UBE2O: variants seen among roughly 807,000 people sequenced by gnomAD.
UBE2O encodes ubiquitin conjugating enzyme E2 O, also known as (E3-independent) E2 ubiquitin-conjugating enzyme.
UBE2O carries 15 observed loss-of-function variants against 125.8 expected under a neutral mutation model. The observed-to-expected ratio is 0.12, with a 90% CI of 0.08 to 0.18. UBE2O has a LOEUF of 0.18. Ranked by LOEUF, UBE2O falls within the 10% of genes least tolerant of loss-of-function variation. UBE2O has a pLI of 1.00. For synonymous variants in UBE2O, 708 were observed against 703.2 expected, an observed-to-expected ratio of 1.01 and a Z score of -0.11; for missense variants, 1,280 against 1,723.6, an observed-to-expected ratio of 0.74 and a Z score of 4.56.
At position 76,395,894 on chromosome 17, in the gene UBE2O, T is replaced by G. The variant is rs1250731598; in HGVS notation, c.2810-33A>C. 7 of 1,612,984 alleles carry G rather than the reference T, an allele frequency of 4.3e-6. No homozygotes were observed. The highest frequency in any genetic ancestry group is 5.9e-6 in the Non-Finnish European group (7 of 1,179,898). On this transcript the variant is annotated intron_variant, in intron 14 of 17. Coordinates refer to ENST00000319380, the MANE Select transcript of UBE2O (RefSeq NM_022066.4). This position sits in a 1 kb window ranked among gnomAD's most constrained non-coding sequence, Gnocchi z 5.0. ...GGGGAAGAGAATAGTCAGTCCCTCA[T>G]GGAGAGGCCCTGGAGCTCCATCTGC...
chr17:76,442,981 G>A (rs1414691408), intron 1 of UBE2O, among the ~76,000 whole-genome samples: 1 of 152,164 alleles, frequency 6.6e-6, no homozygotes, highest in Non-Finnish European at 1.5e-5. Context: ...GCCAAAGAAG[G>A]TAAATTAAAA....
intron 1 of UBE2O, among the ~76,000 whole-genome samples, chr17:76,424,857 T>A (rs1186402937): frequency 6.7e-5 from 10 of 148,702 alleles, no homozygotes; most frequent in African/African-American, 1.2e-4. Context: ...TTCTTTTTTT[T>A]TTTTTATTTT....
chr17:76,434,116 T>C (rs2072945859), intron 1 of UBE2O, among the ~76,000 whole-genome samples: 1 of 152,156 alleles, frequency 6.6e-6, no homozygotes, highest in South Asian at 2.1e-4. Flanking sequence ...GTGGCTTCCA[T>C]CCATCTTACT....
At chr17:76,437,729 T>G (rs2143876191) in intron 1 of UBE2O, among the ~76,000 whole-genome samples, 1 of 152,224 alleles carries the variant, frequency 6.6e-6, no homozygotes, top group South Asian at 2.1e-4. Flanking sequence ...CAATGTCAAT[T>G]TTTTTACTTT....
intron 1 of UBE2O, among the ~76,000 whole-genome samples, chr17:76,442,000 A>G (rs2073082253): frequency 6.6e-6 from 1 of 152,176 alleles, no homozygotes; most frequent in African/African-American, 2.4e-5. Flanking sequence ...GTACTTAGCC[A>G]TCCTCCTAAG....
At chr17:76,415,871 A>C (rs2072595581) in intron 1 of UBE2O, among the ~76,000 whole-genome samples, 1 of 151,924 alleles carries the variant, frequency 6.6e-6, no homozygotes, top group African/African-American at 2.4e-5. Flanking sequence ...ACATACATGT[A>C]TATACAAATA....
At position 76,424,356 on chromosome 17, in the gene UBE2O, G is replaced by A. The variant is rs111321090; in HGVS notation, c.418-18784C>T. Among the ~76,000 whole-genome samples, 641 of 151,138 alleles carry A rather than the reference G, an allele frequency of 4.2e-3. 3 individuals are homozygous for A. The highest frequency in any genetic ancestry group is 0.015 in the African/African-American group (607 of 41,170). ...CCCCAGTAGCTGGGATTACAAGTGTGAGCCACCACACTCTGCTAATTTTTT... is the reference window on the plus strand; with the variant it reads ...CCCCAGTAGCTGGGATTACAAGTGTAAGCCACCACACTCTGCTAATTTTTT... On this transcript the variant is annotated intron_variant, in intron 1 of 17. Coordinates refer to ENST00000319380, the MANE Select transcript of UBE2O (RefSeq NM_022066.4).
intron 1 of UBE2O, among the ~76,000 whole-genome samples, chr17:76,449,744 C>T (rs759860392): frequency 2.6e-5 from 4 of 151,728 alleles, no homozygotes; most frequent in Non-Finnish European, 5.9e-5. Flanking sequence ...CACGGAGAAA[C>T]CCCGTCTCCA....
intron 1 of UBE2O, among the ~76,000 whole-genome samples, chr17:76,425,027 C>G (rs1282504476): frequency 6.6e-6 from 1 of 151,304 alleles, no homozygotes; most frequent in Non-Finnish European, 1.5e-5. Context: ...CCCGCCACCA[C>G]GCCCAGCTAA....
At position 76,391,760 on chromosome 17, in the gene UBE2O, G is replaced by C; in HGVS notation, c.3204C>G (p.Ile1068Met). 2.5e-6 allele frequency: 4 copies of C among 1,614,140 alleles called. No individual in the cohort carries two copies. Among genetic ancestry groups the C allele is most frequent in the Non-Finnish European group, 3.4e-6 (4 of 1,180,020 alleles). Residue 1068 changes from isoleucine to methionine, a missense_variant, in exon 17 of 18, where the codon ATC becomes ATG. By Grantham distance (10) the Ile-to-Met change is conservative (BLOSUM62 1). Around this residue, in one of 10 missense-constraint regions of UBE2O, gnomAD observed 37 missense variants for 115.6 expected, o/e 0.32. Transcript: ENST00000319380. The surrounding 1 kb of genome is among the most constrained non-coding windows in gnomAD (Gnocchi z 8.4). ...KSSLLQVLIS[I>M]QGLILVNEPY... The stretch of plus-strand genomic sequence containing the variant: ...CCCGCTTCAGCCCAACTGTACCTTG[G>C]ATGGAGATGAGCACCTGGAGAAGGC...
At chr17:76,417,981 G>C (rs2072644182) in intron 1 of UBE2O, among the ~76,000 whole-genome samples, 1 of 152,124 alleles carries the variant, frequency 6.6e-6, no homozygotes, top group South Asian at 2.1e-4. Context: ...CTTGGGAGAA[G>C]TGGAGGTGGA....
At position 76,396,183 on chromosome 17, in the gene UBE2O, G is replaced by A. The variant is rs373499618; in HGVS notation, c.2754C>T (p.Gly918=). ...VLCQQCGGKP[G]VTFTSAKGEV... ...CGCCCTTGGCGCTGGTGAAGGTGAC[G>A]CCAGGCTTGCCGCCACACTGCTGGC... The change falls in exon 14 of 18, where the codon GGC becomes GGT. Residue 918 remains glycine, a synonymous_variant. Transcript: ENST00000319380. This position sits in a 1 kb window ranked among gnomAD's most constrained non-coding sequence, Gnocchi z 6.7. The A allele has an allele frequency of 9.3e-6, 15 of 1,613,838 alleles. No individual in the cohort carries two copies. Among genetic ancestry groups the A allele is most frequent in the Middle Eastern group, 1.7e-4 (1 of 6,060 alleles).
intron 1 of UBE2O, among the ~76,000 whole-genome samples, chr17:76,409,610 G>A (rs1159883690): frequency 1.3e-5 from 2 of 151,894 alleles, no homozygotes; most frequent in Admixed American, 6.6e-5. Context: ...TGGTCAGGCT[G>A]GTCTCCAACT....
At chr17:76,429,468 G>C (rs112340103) in intron 1 of UBE2O, among the ~76,000 whole-genome samples, 6,084 of 150,146 alleles carry the variant, frequency 0.041, 275 homozygotes, top group African/African-American at 0.11. Context: ...CTTCAGCCTG[G>C]GAGGCAGAGG....
At chr17:76,427,268 T>C (rs2072827802) in intron 1 of UBE2O, among the ~76,000 whole-genome samples, 1 of 152,258 alleles carries the variant, frequency 6.6e-6, no homozygotes, top group Admixed American at 6.5e-5. Context: ...CTTGAGAATT[T>C]ATGCTATTTG....
In UBE2O at chr17:76,451,320, A is replaced by G. The variant is rs117445007; in HGVS notation, c.417+1405T>C. ...ACAAGCATTCTGTTGCACAAAAGTA[A>G]TATTTTCCAAATACTCTTGTAAATG... On this transcript the variant is annotated intron_variant, in intron 1 of 17. Transcript: ENST00000319380. Among the ~76,000 whole-genome samples the G allele has an allele frequency of 1.6e-4, 24 of 152,350 alleles. No homozygotes were observed. The East Asian group carries it at 3.9e-3, about 24-fold the overall frequency.
At position 76,396,681 on chromosome 17, in the gene UBE2O, G is replaced by A. The variant is rs762356889; in HGVS notation, c.2256C>T (p.His752=). 3.1e-6 allele frequency: 5 copies of A among 1,613,620 alleles called. No individual in the cohort carries two copies. In the Admixed American group the frequency reaches 5.0e-5, roughly 16 times the overall value. Residue 752 remains histidine (H), a synonymous_variant, in exon 14 of 18, where the codon CAC becomes CAT. Coordinates refer to ENST00000319380, the MANE Select transcript of UBE2O (RefSeq NM_022066.4). This position sits in a 1 kb window ranked among gnomAD's most constrained non-coding sequence, Gnocchi z 6.7. Reference sequence around the variant, plus strand: ...GGATGGGGGGCTCCTCTATCTTGGGGTGCTCGTCCTCCACCAGCCCATTGT... The same window carrying A: ...GGATGGGGGGCTCCTCTATCTTGGGATGCTCGTCCTCCACCAGCCCATTGT... ...ETDNGLVEDE[H]PKIEEPPIPP... is the part of the protein sequence containing the mutation.
rs1041134008 is a variant in UBE2O, at chr17:76,400,951, G to C, written c.894+60C>G. 2 of 1,590,656 alleles carry C rather than the reference G, an allele frequency of 1.3e-6. No homozygotes were observed. The highest frequency in any genetic ancestry group is 1.7e-6 in the Non-Finnish European group (2 of 1,164,700). On this transcript the variant is annotated intron_variant, in intron 6 of 17. Transcript: ENST00000319380. The surrounding 1 kb of genome is among the most constrained non-coding windows in gnomAD (Gnocchi z 4.3). Reference sequence around the variant, plus strand: ...AAGAGCAGGAAGGAAAGGGGCAGCAGCTCAGCTCCAGGGTGTGGAGGTCAA... The same window carrying C: ...AAGAGCAGGAAGGAAAGGGGCAGCACCTCAGCTCCAGGGTGTGGAGGTCAA...
In UBE2O at chr17:76,396,345, G is replaced by C. The variant is rs147892337; in HGVS notation, c.2592C>G (p.Leu864=). 1.9e-6 allele frequency: 3 copies of C among 1,614,226 alleles called. No individual in the cohort carries two copies. Among genetic ancestry groups the C allele is most frequent in the African/African-American group, 1.3e-5 (1 of 75,066 alleles). ...TGGCCACATTGTCCAGGGTCTTCTT[G>C]AGGTTTTCCTGTAGCTTCTTGATGT... is the stretch of plus-strand genomic sequence containing the variant. ...LDDIKKLQEN[L]KKTLDNVAIV... is the part of the protein sequence containing the mutation. The change falls in exon 14 of 18, where the codon CTC becomes CTG. Residue 864 remains leucine (L), a synonymous_variant. Coordinates refer to ENST00000319380, the MANE Select transcript of UBE2O (RefSeq NM_022066.4). The surrounding 1 kb of genome is among the most constrained non-coding windows in gnomAD (Gnocchi z 6.7).
Sources: allele counts gnomAD v4.1 joint callset (sites outside exome capture counted in the v4.1 genomes callset), GRCh38; gene constraint gnomAD v4.1.1; regional missense constraint gnomAD v4.1.1; non-coding constraint Gnocchi (gnomAD v3.1); transcripts MANE v1.5; gene names NCBI Gene and HGNC (gene_info 2026-07-23, HGNC 2026-07-21).